Variants in BMP6 observed in about 807,000 individuals in gnomAD.
BMP6 encodes bone morphogenetic protein 6, also known as VG-1-R.
Under a neutral mutation model 54.1 loss-of-function variants are expected in BMP6, and 17 were observed. The ratio of observed to expected loss-of-function variants is 0.31; its 90% CI spans 0.22 to 0.47. The LOEUF (loss-of-function observed/expected upper bound fraction) is 0.47, where lower values mean the gene tolerates loss of function less well. BMP6 is among the 20% of genes least tolerant of loss of function. BMP6 has a pLI of 1.00. For missense variants in BMP6, 720 were observed against 690.4 expected, an observed-to-expected ratio of 1.04 and a Z score of -0.48; for synonymous variants, 328 against 291.2, an observed-to-expected ratio of 1.13 and a Z score of -1.28.
intron 1 of BMP6, among the ~76,000 whole-genome samples, chr6:7,735,284 G>GA (rs541331592): frequency 8.0e-4 from 121 of 152,126 alleles, no homozygotes; most frequent in Non-Finnish European, 4.4e-5. Flanking sequence ...ACATGGGCTG[G>GA]AAAAAAAATT....
In BMP6 at chr6:7,728,676, GGGTGCACT is replaced by G. The variant is rs199718191; in HGVS notation, c.664+1060_664+1067del. Among the ~76,000 whole-genome samples, 104 of 152,342 alleles carry G rather than the reference GGGTGCACT, an allele frequency of 6.8e-4. 1 individual carries two copies. The East Asian group carries it at 0.018, about 26-fold the overall frequency. On this transcript the variant is annotated intron_variant, in intron 1 of 6. Transcript: ENST00000283147. ...GACGCGCTGTCAGCGGACAGATCATGGGTGCACTGGCTACGCCCGGGATGGTTGCAGCT... is the reference window on the plus strand; with the variant it reads ...GACGCGCTGTCAGCGGACAGATCATGGGCTACGCCCGGGATGGTTGCAGCT...
chr6:7,859,143 C>G (rs567663505), intron 2 of BMP6, among the ~76,000 whole-genome samples: 101 of 152,140 alleles, frequency 6.6e-4, no homozygotes, highest in Admixed American at 1.0e-3. Flanking sequence ...TCATGTTCTC[C>G]CTCTTTAATT....
At chr6:7,782,649 G>A (rs1480854819) in intron 1 of BMP6, among the ~76,000 whole-genome samples, 2 of 152,068 alleles carry the variant, frequency 1.3e-5, no homozygotes, top group African/African-American at 2.4e-5. Context: ...GTTGTAGTGC[G>A]CTAAGATGGC....
At chr6:7,796,580 T>C (rs751877733) in intron 1 of BMP6, among the ~76,000 whole-genome samples, 3 of 152,336 alleles carry the variant, frequency 2.0e-5, no homozygotes, top group Non-Finnish European at 4.4e-5. Context: ...TAATGGACAT[T>C]CTAATTAGAA....
In BMP6 at chr6:7,845,286, A is replaced by G. The variant is rs772475361; in HGVS notation, c.811A>G (p.Thr271Ala). The stretch of plus-strand genomic sequence containing the variant: ...TGTTATGGGGAGTTTTAAAAACCAA[A>G]CTTTTCTTATCAGCATTTATCAAGT... ...DCVMGSFKNQ[T>A]FLISIYQVLQ... Residue 271 changes from threonine to alanine, a missense_variant, in exon 2 of 7, where the codon ACT becomes GCT. Physicochemically the swap from Thr to Ala is moderately conservative, Grantham distance 58. Coordinates refer to ENST00000283147, the MANE Select transcript of BMP6 (RefSeq NM_001718.6). 1.9e-6 allele frequency: 3 copies of G among 1,614,092 alleles called. No individual in the cohort carries two copies. The highest frequency in any genetic ancestry group is 1.7e-5 in the Admixed American group (1 of 60,006).
intron 1 of BMP6, among the ~76,000 whole-genome samples, chr6:7,813,982 T>C (rs1216217591): frequency 6.6e-6 from 1 of 152,192 alleles, no homozygotes; most frequent in African/African-American, 2.4e-5. Context: ...GAATTCAGTT[T>C]TGCAGTCATA....
intron 2 of BMP6, among the ~76,000 whole-genome samples, chr6:7,856,610 T>TTTTTTTTTTTTGTTTTTG (rs1477184469): frequency 8.2e-6 from 1 of 122,154 alleles, no homozygotes; most frequent in African/African-American, 3.3e-5. Context: ...TTTTTTTTTT[T>TTTTTTTTTTTTGTTTTTG]TTTTGAGACG....
Position 7,727,630 on chromosome 6 carries a change from G to A in BMP6, c.664+11G>A, listed in dbSNP as rs1394194508. On this transcript the variant is annotated intron_variant, in intron 1 of 6. Coordinates refer to ENST00000283147, the MANE Select transcript of BMP6 (RefSeq NM_001718.6). ...GCTTTGTGAACCTGGGTAAGGATTT[G>A]GGGTAACGTAATGACGAGAACATTT... The A allele has an allele frequency of 2.6e-6, 4 of 1,532,988 alleles. No individual in the cohort carries two copies. In the Admixed American group the frequency reaches 7.8e-5, roughly 30 times the overall value. 95.0% of individuals were successfully genotyped at this position (1,532,988 alleles called of 1,614,324 possible). A position where few individuals can be genotyped will look rare whatever the true frequency, so the allele number is the denominator to read the frequency against.
chr6:7,776,014 A>G (rs1179537369), intron 1 of BMP6, among the ~76,000 whole-genome samples: 1 of 152,262 alleles, frequency 6.6e-6, no homozygotes, highest in Non-Finnish European at 1.5e-5. Context: ...CGTTAGAATG[A>G]AACAGCACTT....
At chr6:7,741,243 A>T (rs1054085190) in intron 1 of BMP6, among the ~76,000 whole-genome samples, 2 of 152,218 alleles carry the variant, frequency 1.3e-5, no homozygotes, top group Non-Finnish European at 2.9e-5. Flanking sequence ...GCCAAATGAC[A>T]GGGGACTTGT....
At chr6:7,844,573 C>G (rs116280550) in intron 1 of BMP6, among the ~76,000 whole-genome samples, 1 of 152,120 alleles carries the variant, frequency 6.6e-6, no homozygotes, top group African/African-American at 2.4e-5. Flanking sequence ...AGACCCTTTA[C>G]ACTTCAGGCC....
At chr6:7,869,107 C>T (rs1411722765) in intron 4 of BMP6, among the ~76,000 whole-genome samples, 2 of 152,220 alleles carry the variant, frequency 1.3e-5, no homozygotes, top group Non-Finnish European at 2.9e-5. Context: ...CTGCAGCGCC[C>T]TAGCCCCGTC....
chr6:7,774,506 C>T (rs777989044), intron 1 of BMP6, among the ~76,000 whole-genome samples: 11 of 152,212 alleles, frequency 7.2e-5, no homozygotes, highest in Non-Finnish European at 1.3e-4. Flanking sequence ...GAGCCAAGAT[C>T]GCGCCACTGC....
At chr6:7,855,829 C>T (rs796677286) in intron 2 of BMP6, among the ~76,000 whole-genome samples, 9 of 151,938 alleles carry the variant, frequency 5.9e-5, no homozygotes, top group African/African-American at 1.9e-4. Context: ...ATGCCCTGCC[C>T]ACTTAATCTC....
At chr6:7,766,105 G>A (rs184324502) in intron 1 of BMP6, among the ~76,000 whole-genome samples, 1 of 152,286 alleles carries the variant, frequency 6.6e-6, no homozygotes, top group Non-Finnish European at 1.5e-5. Context: ...TTCTCCATCG[G>A]CCACAATAAA....
chr6:7,830,327 C>G (rs1244241565), intron 1 of BMP6, among the ~76,000 whole-genome samples: 1 of 152,188 alleles, frequency 6.6e-6, no homozygotes, highest in African/African-American at 2.4e-5. Context: ...TGTTTCTGCT[C>G]AGACTCAGCA....
intron 1 of BMP6, among the ~76,000 whole-genome samples, chr6:7,747,844 C>T (rs1288953903): frequency 6.6e-6 from 1 of 151,072 alleles, no homozygotes; most frequent in Non-Finnish European, 1.5e-5. Flanking sequence ...TGGGGTTTCT[C>T]CATGTTGCCC....
chr6:7,775,737 G>A (rs978143765), intron 1 of BMP6, among the ~76,000 whole-genome samples: 8 of 152,164 alleles, frequency 5.3e-5, no homozygotes, highest in Non-Finnish European at 7.3e-5. Flanking sequence ...TCTTCCAGGC[G>A]TCTGGGGTCA....
At chr6:7,830,822 C>T (rs190439941) in intron 1 of BMP6, among the ~76,000 whole-genome samples, 7 of 151,512 alleles carry the variant, frequency 4.6e-5, no homozygotes, top group East Asian at 1.9e-4. Flanking sequence ...CCCACCCCCA[C>T]GATTCAACTG....
Sources: gnomAD v4.1 joint callset for allele counts (sites outside exome capture counted in the v4.1 genomes callset) on GRCh38, gnomAD v4.1.1 for gene constraint, MANE v1.5 for transcripts, NCBI Gene and HGNC (gene_info 2026-07-23, HGNC 2026-07-21) for gene names.